PRKG2: variants seen among roughly 807,000 people sequenced by gnomAD.
PRKG2 encodes cGMP-dependent protein kinase 2.
In PRKG2, 33 loss-of-function variants were observed where a neutral mutation model predicts 97.2. That is an observed-to-expected ratio of 0.34 (90% CI 0.26 to 0.45). The LOEUF (loss-of-function observed/expected upper bound fraction) is 0.45. Among genes scored for constraint, PRKG2 ranks in the 20% least tolerant of loss-of-function variants. The pLI is 1.00. For missense variants in PRKG2, 638 were observed against 900.0 expected (o/e 0.71, Z 3.73); for synonymous variants, 330 against 321.8 (o/e 1.03, Z -0.27).
At chr4:81,167,858 G>GGA (rs144817192) in intron 5 of PRKG2, among the ~76,000 whole-genome samples, 16,572 of 151,948 alleles carry the variant, frequency 0.11, 1,100 homozygotes, top group Middle Eastern at 0.21. Flanking sequence ...ATACTCTCAA[G>GGA]GAGAAGAGGA....
At chr4:81,168,467 T>C (rs188206327) in intron 5 of PRKG2, among the ~76,000 whole-genome samples, 159 of 152,286 alleles carry the variant, frequency 1.0e-3, no homozygotes, top group African/African-American at 3.8e-3. Flanking sequence ...TTAACTGCTA[T>C]GCCTAGTTCA....
intron 2 of PRKG2, among the ~76,000 whole-genome samples, chr4:81,203,551 G>A (rs1560626982): frequency 6.6e-6 from 1 of 152,126 alleles, no homozygotes; most frequent in Non-Finnish European, 1.5e-5. Context: ...TTGCAATAGA[G>A]ATTCAGGCTC....
rs116214365 is a variant in PRKG2, at chr4:81,105,310, G to A, written c.2063+503C>T. 8.9e-3 allele frequency among the ~76,000 whole-genome samples: 1,356 copies of A among 151,838 alleles called. 13 individuals are homozygous for A. Among genetic ancestry groups the A allele is most frequent in the Admixed American group, 0.035 (537 of 15,246 alleles). On this transcript the variant is annotated intron_variant, in intron 16 of 18. Coordinates refer to ENST00000264399, the MANE Select transcript of PRKG2 (RefSeq NM_006259.3). ...CCCTTCAGCCTCCCCTCTCCCTTCC[G>A]AGTCCCTGATATCTACATTTCCGTT...
At chr4:81,099,566 A>G (rs895646415) in intron 17 of PRKG2, among the ~76,000 whole-genome samples, 1 of 152,176 alleles carries the variant, frequency 6.6e-6, no homozygotes, top group African/African-American at 2.4e-5. Flanking sequence ...CGTATCTCAA[A>G]ATAATAAGAG....
chr4:81,140,388 T>C (rs1747160011), intron 12 of PRKG2, 145 bp downstream of exon 12: 1 of 617,982 alleles, frequency 1.6e-6, no homozygotes, highest in Admixed American at 3.8e-5. Context: ...TGCATGCCTG[T>C]ATCAAAACAT....
At chr4:81,148,860 C>A in intron 9 of PRKG2, 24 bp downstream of exon 9, 1 of 1,609,594 alleles carries the variant, frequency 6.2e-7, no homozygotes, top group Non-Finnish European at 8.5e-7. Flanking sequence ...AGTGGCCTGC[C>A]TCCTCCAACA....
At chr4:81,152,471 T>A (rs986884438) in intron 7 of PRKG2, among the ~76,000 whole-genome samples, 2 of 152,212 alleles carry the variant, frequency 1.3e-5, no homozygotes, top group Non-Finnish European at 2.9e-5. Context: ...GAGTCTGGTA[T>A]CAATAGATTG....
chr4:81,152,767 A>C (rs547699698), intron 7 of PRKG2, among the ~76,000 whole-genome samples: 1 of 152,316 alleles, frequency 6.6e-6, no homozygotes, highest in Non-Finnish European at 1.5e-5. Context: ...TATCACCAAG[A>C]ATTATTTCAA....
intron 14 of PRKG2, among the ~76,000 whole-genome samples, chr4:81,116,985 CTTTTTT>C (rs58361616): frequency 0.016 from 1,277 of 78,996 alleles, 27 homozygotes; most frequent in African/African-American, 0.07. Context: ...CCTGTTGTTA[CTTTTTT>C]TTTTTTTTTT....
chr4:81,133,570 A>G (rs1375522912), intron 14 of PRKG2, among the ~76,000 whole-genome samples: 2 of 152,198 alleles, frequency 1.3e-5, no homozygotes, highest in African/African-American at 4.8e-5. Context: ...AAACTCAGCC[A>G]TATATTTAAT....
intron 14 of PRKG2, among the ~76,000 whole-genome samples, chr4:81,134,331 C>T (rs556964867): frequency 3.3e-5 from 5 of 152,190 alleles, no homozygotes; most frequent in African/African-American, 1.2e-4. Context: ...CCATTAAATG[C>T]GAGCTATTTT....
intron 2 of PRKG2, among the ~76,000 whole-genome samples, chr4:81,190,141 C>T (rs1752351145): frequency 1.3e-5 from 2 of 152,086 alleles, no homozygotes; most frequent in Admixed American, 1.3e-4. Flanking sequence ...GCAAAAAGAA[C>T]AAAACTGGAG....
At chr4:81,185,453 G>T (rs1186498094) in intron 2 of PRKG2, among the ~76,000 whole-genome samples, 2 of 152,166 alleles carry the variant, frequency 1.3e-5, no homozygotes, top group Non-Finnish European at 2.9e-5. Flanking sequence ...CACCAGGCCT[G>T]CCTTACAAGA....
At chr4:81,147,595 C>T (rs1326010387) in intron 9 of PRKG2, among the ~76,000 whole-genome samples, 1 of 152,104 alleles carries the variant, frequency 6.6e-6, no homozygotes, top group Non-Finnish European at 1.5e-5. Context: ...CACTTTACTG[C>T]ATAGTGATTG....
At chr4:81,143,038 T>C in intron 10 of PRKG2, 91 bp from the exon 11 acceptor site, 3 of 1,405,094 alleles carry the variant, frequency 2.1e-6, no homozygotes, top group Non-Finnish European at 1.9e-6. Context: ...GACAGTCTAA[T>C]TTCTGCTGTA....
chr4:81,111,118 A>G (rs1251690927), intron 14 of PRKG2, among the ~76,000 whole-genome samples: 3 of 152,104 alleles, frequency 2.0e-5, no homozygotes, highest in African/African-American at 7.2e-5. Flanking sequence ...AGGGGGGCTT[A>G]ATACTCTGGA....
chr4:81,216,130 G>C (rs913212834), upstream of PRKG2, among the ~76,000 whole-genome samples: 1 of 151,934 alleles, frequency 6.6e-6, no homozygotes, highest in Non-Finnish European at 1.5e-5. Context: ...AACTCTCTTG[G>C]GTTTTTAAAC....
intron 11 of PRKG2, among the ~76,000 whole-genome samples, chr4:81,142,205 G>C (rs1747362388): frequency 6.6e-6 from 1 of 152,150 alleles, no homozygotes; most frequent in African/African-American, 2.4e-5. Flanking sequence ...CTAAAATCAG[G>C]CTGTAAGTTC....
At position 81,169,670 on chromosome 4, in the gene PRKG2, G is replaced by T; in HGVS notation, c.841C>A (p.Leu281Ile). Reference protein sequence around the residue: ...QARDEQYRNFLRSVSLLKNLP... With the variant: ...QARDEQYRNFIRSVSLLKNLP... ...CCAATGTATTATTCTTACCTTCTGA[G>T]GAAGTTTCTGTATTGTTCATCTCTA... is the stretch of plus-strand genomic sequence containing the variant. Residue 281 changes from leucine (L) to isoleucine (I), a missense_variant, in exon 5 of 19, where the codon CTC becomes ATC. Transcript: ENST00000264399. 1 of 1,592,318 alleles carries T rather than the reference G, an allele frequency of 6.3e-7. No individual in the cohort carries two copies.
Sources: allele counts gnomAD v4.1 joint callset (sites outside exome capture counted in the v4.1 genomes callset), GRCh38; gene constraint gnomAD v4.1.1; transcripts MANE v1.5; gene names NCBI Gene and HGNC (gene_info 2026-07-23, HGNC 2026-07-21).